The following BACH2 variants were observed in gnomAD, a reference collection of about 807,000 sequenced individuals.
BACH2 encodes transcription regulator protein BACH2.
Under a neutral mutation model 61.8 loss-of-function variants are expected in BACH2, and 5 were observed. That is an observed-to-expected ratio of 0.08 (90% CI 0.04 to 0.17). The LOEUF (loss-of-function observed/expected upper bound fraction) is 0.17. Ranked by LOEUF, BACH2 falls within the 10% of genes least tolerant of loss-of-function variation. The probability of loss-of-function intolerance (pLI) is 1.00; values close to 1 mark genes in which losing one functional copy is unlikely to be tolerated. For synonymous variants in BACH2, 446 were observed against 440.1 expected (o/e 1.01, Z -0.17); for missense variants, 824 against 1,091.1 (o/e 0.76, Z 3.45).
chr6:90,080,896 T>C (rs1292884283), intron 5 of BACH2: 1 of 485,792 alleles, frequency 2.1e-6, no homozygotes, highest in Non-Finnish European at 2.7e-6. Flanking sequence ...AAAATCTTTT[T>C]TGGGTGATAG....
intron 7 of BACH2, among the ~76,000 whole-genome samples, chr6:89,942,668 A>C (rs1773503850): frequency 6.6e-6 from 1 of 152,166 alleles, no homozygotes; most frequent in African/African-American, 2.4e-5. Context: ...TATAAGGGGA[A>C]GGGCACGAGG....
At chr6:90,109,224 T>C (rs956701165) in intron 4 of BACH2, among the ~76,000 whole-genome samples, 2 of 152,204 alleles carry the variant, frequency 1.3e-5, no homozygotes, top group Non-Finnish European at 2.9e-5. Flanking sequence ...ATCTCCGTCT[T>C]GCCAAGTCCA....
chr6:90,248,999 A>T (rs1770720074), intron 3 of BACH2, among the ~76,000 whole-genome samples: 1 of 152,238 alleles, frequency 6.6e-6, no homozygotes, highest in African/African-American at 2.4e-5. Flanking sequence ...GTTAACAGAA[A>T]ATTTAAATAT....
intron 5 of BACH2, among the ~76,000 whole-genome samples, chr6:90,046,794 G>A (rs1409195738): frequency 7.1e-6 from 1 of 141,566 alleles, no homozygotes; most frequent in Non-Finnish European, 1.5e-5. Flanking sequence ...AGAGCTACTA[G>A]AATTTGGTGA....
At chr6:90,249,431 C>T (rs1770736076) in intron 3 of BACH2, among the ~76,000 whole-genome samples, 1 of 152,142 alleles carries the variant, frequency 6.6e-6, no homozygotes, top group African/African-American at 2.4e-5. Context: ...TACCTAACAG[C>T]AATGTTTAAA....
At chr6:90,102,278 G>C (rs928952481) in intron 4 of BACH2, among the ~76,000 whole-genome samples, 9 of 151,924 alleles carry the variant, frequency 5.9e-5, no homozygotes, top group African/African-American at 1.9e-4. Flanking sequence ...AAGTTCCTGG[G>C]ACTCCAGGAT....
intron 1 of BACH2, among the ~76,000 whole-genome samples, chr6:90,276,681 T>C (rs1771704043): frequency 6.6e-6 from 1 of 152,216 alleles, no homozygotes; most frequent in Non-Finnish European, 1.5e-5. Flanking sequence ...ATTATAGATT[T>C]TGGAATGTAC....
At chr6:90,293,955 T>C (rs1442707374) in intron 1 of BACH2, among the ~76,000 whole-genome samples, 3 of 152,298 alleles carry the variant, frequency 2.0e-5, no homozygotes, top group East Asian at 1.9e-4. Context: ...CATAATTCAA[T>C]AGGAAAATAA....
intron 3 of BACH2, among the ~76,000 whole-genome samples, chr6:90,242,972 C>T (rs568469681): frequency 6.6e-6 from 1 of 151,400 alleles, no homozygotes; most frequent in South Asian, 2.1e-4. Flanking sequence ...CTCCGCCTCC[C>T]GAGTTCAAGC....
At chr6:90,109,427 T>C (rs1783069519) in intron 4 of BACH2, among the ~76,000 whole-genome samples, 1 of 152,144 alleles carries the variant, frequency 6.6e-6, no homozygotes. Context: ...CCCATCTAAA[T>C]GCTGGCGTTA....
At chr6:90,164,279 C>A (rs1187560039) in intron 4 of BACH2, among the ~76,000 whole-genome samples, 2 of 152,176 alleles carry the variant, frequency 1.3e-5, no homozygotes, top group African/African-American at 4.8e-5. Context: ...GAAAATACTA[C>A]AAACATCTCT....
chr6:89,943,822 T>C (rs1479538974), intron 7 of BACH2, among the ~76,000 whole-genome samples: 2 of 152,208 alleles, frequency 1.3e-5, no homozygotes, highest in East Asian at 1.9e-4. Flanking sequence ...TTGAAACCCA[T>C]GGGAGTAGGG....
rs559705201 is a variant in BACH2 at position 90,045,499 on chromosome 6, T to C, written c.-12-36643A>G. On this transcript the variant is annotated intron_variant, in intron 5 of 8. Transcript: ENST00000257749. ...AATACAACATCTGTAACACTGTACG[T>C]GCAACTTGTCATCTCTATTGAAGAA... is the stretch of plus-strand genomic sequence containing the variant. Among the ~76,000 whole-genome samples, 292 of 152,328 alleles carry C rather than the reference T, an allele frequency of 1.9e-3. 1 individual carries two copies. Among genetic ancestry groups the C allele is most frequent in the Middle Eastern group, 0.017 (5 of 294 alleles).
chr6:89,931,959 TTTA>T lies in BACH2; in HGVS notation c.*446_*448del, dbSNP rs1562301570. 2 of 146,442 alleles carry T rather than the reference TTTA, an allele frequency of 1.4e-5. No individual in the cohort carries two copies. The highest frequency in any genetic ancestry group is 3.9e-4 in the East Asian group (2 of 5,096). 9.1% of individuals were successfully genotyped at this position (146,442 alleles called of 1,614,324 possible). A position where few individuals can be genotyped will look rare whatever the true frequency, so the allele number is the denominator to read the frequency against. ...GATATATATATATATATATATATAT[TTTA>T]TATATATATTATATATAATATGTAC... On this transcript the variant is annotated 3_prime_UTR_variant, in exon 9 of 9. Coordinates refer to ENST00000257749, the MANE Select transcript of BACH2 (RefSeq NM_021813.4).
At chr6:90,127,048 G>GAGT (rs1332525464) in intron 4 of BACH2, among the ~76,000 whole-genome samples, 2 of 152,200 alleles carry the variant, frequency 1.3e-5, no homozygotes, top group Non-Finnish European at 2.9e-5. Context: ...CACTGCAAAA[G>GAGT]TGTTTACTGC....
chr6:89,989,838 C>T (rs1473297234), intron 6 of BACH2, among the ~76,000 whole-genome samples: 2 of 152,090 alleles, frequency 1.3e-5, no homozygotes, highest in African/African-American at 2.4e-5. Flanking sequence ...GCAGAAGAGG[C>T]AATGGAATGC....
intron 5 of BACH2, chr6:90,062,864 T>C: frequency 1.0e-6 from 1 of 961,902 alleles, no homozygotes; most frequent in Non-Finnish European, 1.2e-6. Flanking sequence ...ACGTCTCCTT[T>C]AGACAGATGA....
At chr6:90,075,773 T>A (rs148262165) in intron 5 of BACH2, among the ~76,000 whole-genome samples, 59 of 152,276 alleles carry the variant, frequency 3.9e-4, no homozygotes, top group African/African-American at 1.4e-3. Flanking sequence ...GGACAAAATA[T>A]GACATATACT....
intron 6 of BACH2, among the ~76,000 whole-genome samples, chr6:90,003,498 GA>G (rs1777243422): frequency 6.6e-6 from 1 of 152,130 alleles, no homozygotes; most frequent in Non-Finnish European, 1.5e-5. Flanking sequence ...ATTTAACACT[GA>G]TTAATTTCCT....
Sources: gnomAD v4.1 joint callset for allele counts (sites outside exome capture counted in the v4.1 genomes callset) on GRCh38, gnomAD v4.1.1 for gene constraint, MANE v1.5 for transcripts, NCBI Gene and HGNC (gene_info 2026-07-23, HGNC 2026-07-21) for gene names.